Variants in RBMS3 observed in about 807,000 individuals in gnomAD.
The protein encoded by RBMS3 is RNA binding motif single stranded interacting protein 3.
RBMS3 carries 27 observed loss-of-function variants against 66.8 expected under a neutral mutation model. That is an observed-to-expected ratio of 0.40 (90% CI 0.30 to 0.56). The LOEUF is 0.56. Among genes scored for constraint, RBMS3 ranks in the 20% least tolerant of loss-of-function variants. The pLI is 0.40. For missense variants in RBMS3, 513 were observed against 549.5 expected (o/e 0.93, Z 0.66); for synonymous variants, 188 against 183.0 (o/e 1.03, Z -0.22).
At chr3:29,873,172 T>C (rs1198311044) in intron 7 of RBMS3, among the ~76,000 whole-genome samples, 3 of 152,122 alleles carry the variant, frequency 2.0e-5, no homozygotes, top group Non-Finnish European at 4.4e-5. Flanking sequence ...TTGAAATTGC[T>C]TTGGGCAGTA....
rs2039945518 is a variant in RBMS3 at position 29,404,783 on chromosome 3, A to G, written c.76-29960A>G. On this transcript the variant is annotated intron_variant, in intron 1 of 14. Transcript: ENST00000383767. ...CAAATAGGTCAGTTCTGAAGATGGC[A>G]AAGTACCTGCAAACTGAATACATTG... Among the ~76,000 whole-genome samples the G allele has an allele frequency of 2.6e-5, 4 of 152,234 alleles. No homozygotes were observed. The South Asian group carries it at 8.3e-4, about 32-fold the overall frequency.
At chr3:29,459,283 G>A (rs888512341) in intron 2 of RBMS3, among the ~76,000 whole-genome samples, 2 of 152,136 alleles carry the variant, frequency 1.3e-5, no homozygotes, top group African/African-American at 4.8e-5. Flanking sequence ...AATAGCATAC[G>A]ATTTCATGAT....
At chr3:29,594,915 G>A (rs2047890769) in intron 4 of RBMS3, among the ~76,000 whole-genome samples, 1 of 152,112 alleles carries the variant, frequency 6.6e-6, no homozygotes, top group Non-Finnish European at 1.5e-5. Context: ...GCTTTTGCAA[G>A]GACTCTACTA....
intron 3 of RBMS3, among the ~76,000 whole-genome samples, chr3:29,535,376 C>A (rs1334642995): frequency 2.0e-5 from 3 of 152,084 alleles, no homozygotes; most frequent in East Asian, 3.9e-4. Flanking sequence ...AAATCATTTC[C>A]CATTAAAAGT....
At chr3:29,839,116 G>A (rs956782670) in intron 6 of RBMS3, among the ~76,000 whole-genome samples, 14 of 152,082 alleles carry the variant, frequency 9.2e-5, no homozygotes, top group African/African-American at 1.9e-4. Context: ...TCAAGGTAGC[G>A]CCAGTCTTCA....
intron 3 of RBMS3, among the ~76,000 whole-genome samples, chr3:29,557,777 TAAAC>T (rs977472931): frequency 2.6e-5 from 4 of 151,982 alleles, no homozygotes; most frequent in Admixed American, 6.6e-5. Flanking sequence ...GGATAAATGG[TAAAC>T]AAACAAACAA....
chr3:29,833,667 A>G (rs1269835715), intron 6 of RBMS3, among the ~76,000 whole-genome samples: 1 of 152,146 alleles, frequency 6.6e-6, no homozygotes, highest in Non-Finnish European at 1.5e-5. Context: ...AAACAAATGA[A>G]CAAAACCTAC....
At chr3:29,955,424 C>T (rs1402112345) in intron 12 of RBMS3, among the ~76,000 whole-genome samples, 2 of 151,938 alleles carry the variant, frequency 1.3e-5, no homozygotes, top group African/African-American at 4.8e-5. Flanking sequence ...GCCACTCATA[C>T]CTTTCAGAAC....
At chr3:29,400,423 G>A (rs2039754592) in intron 1 of RBMS3, among the ~76,000 whole-genome samples, 1 of 152,014 alleles carries the variant, frequency 6.6e-6, no homozygotes. Flanking sequence ...GAGGCTGGAA[G>A]GAGGGAGAAA....
intron 4 of RBMS3, among the ~76,000 whole-genome samples, chr3:29,655,945 C>CAA (rs57111170): frequency 0.07 from 9,826 of 140,434 alleles, 367 homozygotes; most frequent in Non-Finnish European, 0.088. Flanking sequence ...GCTTAAAAAG[C>CAA]AAAAAAAAAA....
chr3:29,884,469 T>TCC (rs56911907), intron 8 of RBMS3, among the ~76,000 whole-genome samples: 88 of 66,332 alleles, frequency 1.3e-3, no homozygotes, highest in African/African-American at 2.9e-3. Flanking sequence ...TCTCTCTCTC[T>TCC]CCCCCCCCGC....
At chr3:29,383,597 G>C (rs1262656410) in intron 1 of RBMS3, among the ~76,000 whole-genome samples, 1 of 152,106 alleles carries the variant, frequency 6.6e-6, no homozygotes, top group Admixed American at 6.6e-5. Flanking sequence ...CAAGGAATAG[G>C]GATATATTGT....
At chr3:29,485,060 CATGAAGAGTAGACCCATA>C (rs1282463440) in intron 2 of RBMS3, among the ~76,000 whole-genome samples, 2 of 152,092 alleles carry the variant, frequency 1.3e-5, no homozygotes, top group Non-Finnish European at 2.9e-5. Flanking sequence ...CTTCATAATT[CATGAAGAGTAGACCCATA>C]ATAACTCTAT....
At chr3:29,515,920 T>G (rs2044601965) in intron 3 of RBMS3, among the ~76,000 whole-genome samples, 1 of 152,192 alleles carries the variant, frequency 6.6e-6, no homozygotes, top group Admixed American at 6.5e-5. Flanking sequence ...ATGTTGGAAA[T>G]AGTAGTTTTT....
At chr3:29,385,104 AG>A (rs2038955299) in intron 1 of RBMS3, among the ~76,000 whole-genome samples, 1 of 152,236 alleles carries the variant, frequency 6.6e-6, no homozygotes, top group South Asian at 2.1e-4. Flanking sequence ...GTGAGTGGTT[AG>A]TCCAGCATTA....
intron 6 of RBMS3, among the ~76,000 whole-genome samples, chr3:29,854,176 G>C (rs1376738234): frequency 6.6e-6 from 1 of 152,180 alleles, no homozygotes; most frequent in Non-Finnish European, 1.5e-5. Context: ...TCCAGGCTGA[G>C]AAGGGCGTCC....
At chr3:29,458,711 G>GA (rs1343336897) in intron 2 of RBMS3, among the ~76,000 whole-genome samples, 3 of 152,064 alleles carry the variant, frequency 2.0e-5, no homozygotes, top group East Asian at 1.9e-4. Flanking sequence ...CAACTGTACA[G>GA]AAAAAAGACC....
intron 6 of RBMS3, among the ~76,000 whole-genome samples, chr3:29,865,285 C>G (rs2059332949): frequency 1.3e-5 from 2 of 152,238 alleles, no homozygotes; most frequent in South Asian, 2.1e-4. Flanking sequence ...AAGTCATACT[C>G]TAGACTATTA....
At chr3:29,350,867 T>C (rs1379070497) in intron 1 of RBMS3, among the ~76,000 whole-genome samples, 1 of 151,660 alleles carries the variant, frequency 6.6e-6, no homozygotes, top group African/African-American at 2.4e-5. Context: ...AACAAAAAAC[T>C]ATAATGTGCA....
Sources: allele counts gnomAD v4.1 joint callset (sites outside exome capture counted in the v4.1 genomes callset), GRCh38; gene constraint gnomAD v4.1.1; transcripts MANE v1.5; gene names NCBI Gene and HGNC (gene_info 2026-07-23, HGNC 2026-07-21).